Variants in NCKAP1 observed in about 807,000 individuals in gnomAD.
NCKAP1 encodes the protein nck-associated protein 1.
NCKAP1 carries 21 observed loss-of-function variants against 151.2 expected under a neutral mutation model. The ratio of observed to expected loss-of-function variants is 0.14; its 90% confidence interval spans 0.10 to 0.20. NCKAP1 has a LOEUF of 0.20. Ranked by LOEUF, NCKAP1 falls within the 10% of genes least tolerant of loss-of-function variation. The pLI is 1.00. For missense variants in NCKAP1, 933 were observed against 1,352.1 expected, an observed-to-expected ratio of 0.69 and a Z score of 4.86; for synonymous variants, 484 against 451.8, an observed-to-expected ratio of 1.07 and a Z score of -0.90.
At chr2:182,961,019 AAAC>A (rs1387782519) in intron 18 of NCKAP1, among the ~76,000 whole-genome samples, 2 of 152,240 alleles carry the variant, frequency 1.3e-5, no homozygotes, top group African/African-American at 4.8e-5. Flanking sequence ...TGCAAATCAA[AAAC>A]AACAATGAGA....
At chr2:183,013,539 C>A (rs1698628845) in intron 2 of NCKAP1, among the ~76,000 whole-genome samples, 2 of 152,128 alleles carry the variant, frequency 1.3e-5, no homozygotes, top group South Asian at 4.2e-4. Flanking sequence ...CCTCAACCAC[C>A]CTAGTCCAAG....
rs1282533760 is a variant in NCKAP1, at chr2:182,921,491, T to C, written c.*4211A>G. Reference sequence around the variant, plus strand: ...TACAACCCCATCTCCAGGCCACCCATTTACCAAGTTTGTGGCCCTCATGTA... The same window carrying C: ...TACAACCCCATCTCCAGGCCACCCACTTACCAAGTTTGTGGCCCTCATGTA... On this transcript the variant is annotated 3_prime_UTR_variant, in exon 31 of 31. Transcript: ENST00000361354. 3 of 152,172 alleles carry C rather than the reference T, an allele frequency of 2.0e-5. No homozygotes were observed. Among genetic ancestry groups the C allele is most frequent in the Non-Finnish European group, 2.9e-5 (2 of 68,046 alleles). 9.4% of individuals were successfully genotyped at this position (152,172 alleles called of 1,614,324 possible).
chr2:182,954,659 G>A (rs1196167767), intron 20 of NCKAP1, among the ~76,000 whole-genome samples: 3 of 152,090 alleles, frequency 2.0e-5, no homozygotes, highest in African/African-American at 7.2e-5. Flanking sequence ...AGTGGCACAC[G>A]CCTGTAGTCC....
chr2:182,953,782 A>G (rs1697269426), intron 20 of NCKAP1, among the ~76,000 whole-genome samples: 3 of 152,122 alleles, frequency 2.0e-5, no homozygotes. Flanking sequence ...TGGGCAACAG[A>G]GTGAGACTGT....
chr2:182,945,742 T>C (rs1359567589), intron 23 of NCKAP1, among the ~76,000 whole-genome samples: 1 of 152,210 alleles, frequency 6.6e-6, no homozygotes, highest in East Asian at 1.9e-4. Flanking sequence ...AAAAGCAGTT[T>C]GCAGATTTCT....
In NCKAP1 at chr2:182,989,169, G is replaced by T; in HGVS notation, c.808C>A (p.His270Asn). 6.3e-7 allele frequency: 1 copy of T among 1,589,962 alleles called. No individual in the cohort carries two copies. Among genetic ancestry groups the T allele is most frequent in the Non-Finnish European group, 8.5e-7 (1 of 1,172,934 alleles). Residue 270 changes from histidine (H) to asparagine (N), a missense_variant, in exon 9 of 31, where the codon CAT (histidine) becomes AAT (asparagine). His to Asn is a moderately conservative substitution (Grantham distance 68). Transcript: ENST00000361354. Reference protein sequence around the residue: ...KWIIFGFILCHGILNTDATAL... With the variant: ...KWIIFGFILCNGILNTDATAL... ...GTAGCGTCAGTATTTAGGATCCCAT[G>T]GCACAAAATAAAGCCAACTTTAAAT...
chr2:182,951,895 C>T (rs965206854), intron 23 of NCKAP1, among the ~76,000 whole-genome samples: 3 of 152,104 alleles, frequency 2.0e-5, no homozygotes, highest in East Asian at 1.9e-4. Flanking sequence ...AATGTTGTTG[C>T]TTCAGTTCCT....
intron 19 of NCKAP1, 46 bp from the exon 20 acceptor site, chr2:182,956,639 G>A (rs750348161): frequency 2.6e-6 from 4 of 1,537,156 alleles, no homozygotes; most frequent in South Asian, 2.5e-5. Flanking sequence ...TGTCATCACA[G>A]GCAATACAAA....
intron 6 of NCKAP1, among the ~76,000 whole-genome samples, chr2:183,000,325 A>G (rs532460868): frequency 2.6e-5 from 4 of 152,348 alleles, no homozygotes; most frequent in South Asian, 2.1e-4. Context: ...GCTAATGCCT[A>G]TATAGAACTT....
intron 1 of NCKAP1, among the ~76,000 whole-genome samples, chr2:183,024,461 C>T (rs1366943086): frequency 6.6e-6 from 1 of 152,144 alleles, no homozygotes; most frequent in Non-Finnish European, 1.5e-5. Flanking sequence ...TGAGTTACAA[C>T]ACTGTTTTCC....
At chr2:183,021,226 T>C (rs1169486158) in intron 2 of NCKAP1, among the ~76,000 whole-genome samples, 1 of 152,120 alleles carries the variant, frequency 6.6e-6, no homozygotes, top group Admixed American at 6.5e-5. Flanking sequence ...GGCAAAAAAG[T>C]AGAAACAATC....
At chr2:182,952,541 G>T in intron 22 of NCKAP1, 39 bp from the exon 23 acceptor site, 1 of 1,404,056 alleles carries the variant, frequency 7.1e-7, no homozygotes, top group Non-Finnish European at 9.9e-7. Flanking sequence ...TTCCGACAGA[G>T]CAAATACTTT....
At chr2:183,031,879 T>C (rs552338968) in intron 1 of NCKAP1, among the ~76,000 whole-genome samples, 1 of 152,282 alleles carries the variant, frequency 6.6e-6, no homozygotes. Context: ...AGCAAATAAG[T>C]ACCATGGAGC....
intron 6 of NCKAP1, among the ~76,000 whole-genome samples, chr2:182,997,435 T>C (rs1698291855): frequency 6.6e-6 from 1 of 152,242 alleles, no homozygotes; most frequent in Non-Finnish European, 1.5e-5. Context: ...TTTCAGTATG[T>C]TGTGTCGCTA....
intron 1 of NCKAP1, among the ~76,000 whole-genome samples, chr2:183,026,599 T>C (rs1455317783): frequency 6.6e-6 from 1 of 152,192 alleles, no homozygotes; most frequent in Non-Finnish European, 1.5e-5. Flanking sequence ...ACATACTTAA[T>C]TGGGAGGCAG....
rs560845642 is a variant in NCKAP1, at chr2:182,915,978, A to G, written c.*9724T>C. On this transcript the variant is annotated 3_prime_UTR_variant, in exon 31 of 31. Transcript: ENST00000361354. ...TTTATACAAGGGGCTCAGATTCTGC[A>G]TCTTCTCCCCCTGACATCCCAGACA... 9.2e-5 allele frequency: 14 copies of G among 152,136 alleles called. 1 individual carries two copies. In the East Asian group the frequency reaches 2.7e-3, roughly 29 times the overall value. 9.4% of individuals were successfully genotyped at this position (152,136 alleles called of 1,614,324 possible).
At chr2:183,018,012 G>T (rs1698726290) in intron 2 of NCKAP1, among the ~76,000 whole-genome samples, 1 of 152,124 alleles carries the variant, frequency 6.6e-6, no homozygotes, top group South Asian at 2.1e-4. Flanking sequence ...ACTTTGGGAG[G>T]CTGGGGCGGA....
In NCKAP1 at chr2:182,922,231, T is replaced by C. The variant is rs1696561248; in HGVS notation, c.*3471A>G. The C allele has an allele frequency of 6.6e-6, 1 of 152,208 alleles. No homozygotes were observed. The highest frequency in any genetic ancestry group is 2.4e-5 in the African/African-American group (1 of 41,458). The allele number at this position is 152,208 out of a possible 1,614,324, so 9.4% of individuals were successfully genotyped here. A position where few individuals can be genotyped will look rare whatever the true frequency, so the allele number is the denominator to read the frequency against. The stretch of plus-strand genomic sequence containing the variant: ...TCATGTACTAATCAGTAGGTTACAA[T>C]TCACTACCTTACAGAATTTGGGCTT... On this transcript the variant is annotated 3_prime_UTR_variant, in exon 31 of 31. Transcript: ENST00000361354.
intron 18 of NCKAP1, among the ~76,000 whole-genome samples, chr2:182,960,865 T>C (rs1368183393): frequency 6.6e-6 from 1 of 151,842 alleles, no homozygotes; most frequent in African/African-American, 2.4e-5. Context: ...GAATCTACAA[T>C]GAACTCAAAC....
Sources: allele counts gnomAD v4.1 joint callset (sites outside exome capture counted in the v4.1 genomes callset), GRCh38; gene constraint gnomAD v4.1.1; transcripts MANE v1.5; gene names NCBI Gene and HGNC (gene_info 2026-07-23, HGNC 2026-07-21).